The following TMTC2 variants were observed in gnomAD, a reference collection of about 807,000 sequenced individuals.
The protein encoded by TMTC2 is protein O-mannosyl-transferase TMTC2.
Under a neutral mutation model 82.4 loss-of-function variants are expected in TMTC2, and 43 were observed. The observed-to-expected ratio is 0.52, with a 90% CI of 0.41 to 0.67. TMTC2 has a LOEUF of 0.67. Ranked by LOEUF, TMTC2 falls within the 30% of genes least tolerant of loss-of-function variation. TMTC2 has a pLI of 0.00. For missense variants in TMTC2, 919 were observed against 1,012.4 expected, an observed-to-expected ratio of 0.91 and a Z score of 1.25; for synonymous variants, 408 against 381.9, an observed-to-expected ratio of 1.07 and a Z score of -0.80.
intron 1 of TMTC2, among the ~76,000 whole-genome samples, chr12:82,711,521 T>TGAGG (rs1873618939): frequency 6.6e-6 from 1 of 152,142 alleles, no homozygotes; most frequent in African/African-American, 2.4e-5. Flanking sequence ...TCAAAAGGTC[T>TGAGG]GAGGAGAAAA....
intron 2 of TMTC2, among the ~76,000 whole-genome samples, chr12:82,858,865 C>A (rs1703106): frequency 0.056 from 8,451 of 152,118 alleles, 788 homozygotes; most frequent in African/African-American, 0.19. Flanking sequence ...AATTTTAATT[C>A]TTTCAAAGAG....
In TMTC2 at chr12:82,974,782, T is replaced by C. The variant is rs185628115; in HGVS notation, c.1948+7785T>C. On this transcript the variant is annotated intron_variant, in intron 7 of 11. Coordinates refer to ENST00000321196, the MANE Select transcript of TMTC2 (RefSeq NM_152588.3). ...CATGGACAGCCTTGTAGAAATGTGA[T>C]TGGACAAAAGGGTACGATCTAGTGT... Among the ~76,000 whole-genome samples the C allele has an allele frequency of 1.5e-3, 230 of 152,274 alleles. 1 individual carries two copies. Among genetic ancestry groups the C allele is most frequent in the African/African-American group, 5.3e-3 (221 of 41,566 alleles).
chr12:83,014,335 G>GT (rs1231850134), intron 8 of TMTC2, among the ~76,000 whole-genome samples: 1 of 151,798 alleles, frequency 6.6e-6, no homozygotes, highest in African/African-American at 2.4e-5. Context: ...GCTAATTTTT[G>GT]TTTTTTGGTT....
intron 1 of TMTC2, among the ~76,000 whole-genome samples, chr12:82,748,216 CAGG>C (rs1315625015): frequency 2.0e-5 from 3 of 151,928 alleles, no homozygotes; most frequent in African/African-American, 7.3e-5. Flanking sequence ...GAGGCTGAAG[CAGG>C]AGAATTGCTT....
intron 1 of TMTC2, among the ~76,000 whole-genome samples, chr12:82,699,223 A>G (rs1592856172): frequency 6.6e-6 from 1 of 152,036 alleles, no homozygotes; most frequent in African/African-American, 2.4e-5. Flanking sequence ...TTCTGCTTTT[A>G]CTCTCTATCC....
chr12:83,006,346 C>T (rs1180905169), intron 8 of TMTC2, among the ~76,000 whole-genome samples: 1 of 152,148 alleles, frequency 6.6e-6, no homozygotes, highest in East Asian at 1.9e-4. Context: ...AGAGGCTCTT[C>T]CTGGGTGTGT....
chr12:82,696,445 A>T lies in TMTC2; in HGVS notation c.83+8776A>T, dbSNP rs182892506. On this transcript the variant is annotated intron_variant, in intron 1 of 11. Transcript: ENST00000321196. The stretch of plus-strand genomic sequence containing the variant: ...ATACTGATTTAACTAAAGAAAATGA[A>T]TTTGAGATTTAATAAAAATCTTTTA... 4.3e-4 allele frequency among the ~76,000 whole-genome samples: 65 copies of T among 152,354 alleles called. 1 individual carries two copies. The highest frequency in any genetic ancestry group is 2.7e-3 in the Admixed American group (42 of 15,298).
chr12:82,813,884 A>G (rs1302826613), intron 1 of TMTC2, among the ~76,000 whole-genome samples: 2 of 152,132 alleles, frequency 1.3e-5, no homozygotes, highest in African/African-American at 4.8e-5. Context: ...TAATCAAAGT[A>G]TAGTACCAAA....
Position 83,132,475 on chromosome 12 carries a change from G to C in TMTC2, c.*86G>C. The C allele has an allele frequency of 6.8e-7, 1 of 1,474,830 alleles. No homozygotes were observed. Among genetic ancestry groups the C allele is most frequent in the Non-Finnish European group, 9.2e-7 (1 of 1,082,224 alleles). The allele number at this position is 1,474,830 out of a possible 1,614,324, so 91.4% of individuals were successfully genotyped here. ...ACTTCCCAGCAGTGCTATGACAAGA[G>C]CTGGTGTTAGACTTCAAGACCAGGG... On this transcript the variant is annotated 3_prime_UTR_variant, in exon 12 of 12. Coordinates refer to ENST00000321196, the MANE Select transcript of TMTC2 (RefSeq NM_152588.3).
At chr12:82,921,123 T>G (rs1222746859) in intron 3 of TMTC2, among the ~76,000 whole-genome samples, 1 of 152,144 alleles carries the variant, frequency 6.6e-6, no homozygotes, top group Non-Finnish European at 1.5e-5. Flanking sequence ...AGAGGATAAC[T>G]CATTTGGATA....
intron 1 of TMTC2, among the ~76,000 whole-genome samples, chr12:82,775,034 G>GACACCAAAATGTCATTAGTAAA (rs1877515080): frequency 6.6e-6 from 1 of 152,008 alleles, no homozygotes; most frequent in Non-Finnish European, 1.5e-5. Flanking sequence ...CCATTGGTAA[G>GACACCAAAATGTCATTAGTAAA]ACACCAAAAT....
At chr12:82,773,243 G>A (rs1050154890) in intron 1 of TMTC2, among the ~76,000 whole-genome samples, 2 of 152,080 alleles carry the variant, frequency 1.3e-5, no homozygotes, top group Non-Finnish European at 2.9e-5. Flanking sequence ...TGAGAGTCTT[G>A]TTTCAAATTG....
At chr12:82,693,968 CAAAAA>C (rs1005660355) in intron 1 of TMTC2, among the ~76,000 whole-genome samples, 1 of 41,452 alleles carries the variant, frequency 2.4e-5, no homozygotes, top group Non-Finnish European at 5.0e-5. Flanking sequence ...AACTCCATCT[CAAAAA>C]AAAAAAAAAA....
intron 1 of TMTC2, among the ~76,000 whole-genome samples, chr12:82,769,266 A>G (rs981843337): frequency 6.6e-5 from 10 of 151,952 alleles, no homozygotes; most frequent in Admixed American, 1.3e-4. Flanking sequence ...TTAGGTCAGG[A>G]GTTTGAGACC....
At position 83,126,826 on chromosome 12, in the gene TMTC2, G is replaced by A. The variant is rs569681265; in HGVS notation, c.2332-5384G>A. On this transcript the variant is annotated intron_variant, in intron 11 of 11. Coordinates refer to ENST00000321196, the MANE Select transcript of TMTC2 (RefSeq NM_152588.3). ...TTTTTTTTTTCCTGAAGCTTAACAG[G>A]TTATCTTAAAAACTTTAGTAATTAT... is the stretch of plus-strand genomic sequence containing the variant. Among the ~76,000 whole-genome samples, 96 of 152,034 alleles carry A rather than the reference G, an allele frequency of 6.3e-4. 1 individual carries two copies. The highest frequency in any genetic ancestry group is 2.3e-3 in the African/African-American group (96 of 41,490).
intron 1 of TMTC2, among the ~76,000 whole-genome samples, chr12:82,756,077 C>T (rs896772036): frequency 2.0e-5 from 3 of 152,022 alleles, no homozygotes; most frequent in Non-Finnish European, 2.9e-5. Context: ...GTTACCTGTT[C>T]TTTGAATGTC....
Position 82,918,563 on chromosome 12 carries a change from A to G in TMTC2, c.1484-11868A>G, listed in dbSNP as rs144688636. ...AAACAAGAATGAGAGTCCTTACCAC[A>G]TTTAGTGACTGTGCAGTGTATTAGT... On this transcript the variant is annotated intron_variant, in intron 3 of 11. Coordinates refer to ENST00000321196, the MANE Select transcript of TMTC2 (RefSeq NM_152588.3). 1.9e-4 allele frequency among the ~76,000 whole-genome samples: 29 copies of G among 152,334 alleles called. No homozygotes were observed. The East Asian group carries it at 5.6e-3, about 29-fold the overall frequency.
intron 3 of TMTC2, among the ~76,000 whole-genome samples, chr12:82,903,215 A>G (rs1246498028): frequency 2.0e-5 from 3 of 152,306 alleles, no homozygotes; most frequent in Middle Eastern, 3.4e-3. Context: ...CTGCCCTGCT[A>G]TAAATTACAG....
chr12:83,122,159 G>A (rs1172668562), intron 11 of TMTC2, among the ~76,000 whole-genome samples: 2 of 151,006 alleles, frequency 1.3e-5, no homozygotes, highest in Admixed American at 1.3e-4. Flanking sequence ...CATGCTACCC[G>A]CTTCCCAGCT....
Sources: gnomAD v4.1 joint callset for allele counts (sites outside exome capture counted in the v4.1 genomes callset) on GRCh38, gnomAD v4.1.1 for gene constraint, MANE v1.5 for transcripts, NCBI Gene and HGNC (gene_info 2026-07-23, HGNC 2026-07-21) for gene names.